Variants in GLDC observed in about 807,000 individuals in gnomAD.
GLDC encodes the protein glycine dehydrogenase (decarboxylating), mitochondrial.
GLDC carries 104 observed loss-of-function variants against 121.3 expected under a neutral mutation model. The ratio of observed to expected loss-of-function variants is 0.86; its 90% CI spans 0.73 to 1.01. The LOEUF (loss-of-function observed/expected upper bound fraction) is 1.01. GLDC is among the 50% of genes least tolerant of loss of function. The probability of loss-of-function intolerance (pLI) is 0.00; values close to 1 mark genes in which losing one functional copy is unlikely to be tolerated. For synonymous variants in GLDC, 546 were observed against 480.6 expected, an observed-to-expected ratio of 1.14 and a Z score of -1.78; for missense variants, 1,429 against 1,306.6, an observed-to-expected ratio of 1.09 and a Z score of -1.44.
rs1038800216 is a variant in GLDC, at chr9:6,620,373, T to C, written c.335-54A>G. 9.7e-6 allele frequency: 14 copies of C among 1,450,274 alleles called. No homozygotes were observed. In the African/African-American group the frequency reaches 2.0e-4, roughly 20 times the overall value. The allele number at this position is 1,450,274 out of a possible 1,614,324, so 89.8% of individuals were successfully genotyped here. ...AGACAGATGTCTCAGAAAAGAGCTC[T>C]AATTACAGTTTAAATCCCTCATTTT... On this transcript the variant is annotated intron_variant, in intron 2 of 24. Coordinates refer to ENST00000321612, the MANE Select transcript of GLDC (RefSeq NM_000170.3).
At chr9:6,624,907 G>A (rs1455856560) in intron 2 of GLDC, among the ~76,000 whole-genome samples, 2 of 151,772 alleles carry the variant, frequency 1.3e-5, no homozygotes, top group East Asian at 1.9e-4. Flanking sequence ...AGAATCGCTT[G>A]AACCAGGGAG....
chr9:6,547,771 C>G (rs1028804830), intron 21 of GLDC, among the ~76,000 whole-genome samples: 1 of 152,136 alleles, frequency 6.6e-6, no homozygotes, highest in African/African-American at 2.4e-5. Flanking sequence ...GACAGTGCCA[C>G]TTTCAAAGAA....
chr9:6,620,024 T>A (rs779498990), intron 3 of GLDC, among the ~76,000 whole-genome samples, 160 bp downstream of exon 3: 4 of 152,166 alleles, frequency 2.6e-5, no homozygotes, highest in Non-Finnish European at 5.9e-5. Flanking sequence ...GCAAGAACAT[T>A]TCTCGATCCA....
At chr9:6,635,393 G>A (rs762677132) in intron 2 of GLDC, among the ~76,000 whole-genome samples, 8 of 152,156 alleles carry the variant, frequency 5.3e-5, no homozygotes, top group Non-Finnish European at 1.2e-4. Flanking sequence ...GCAGTCTAGG[G>A]CACTTTATGT....
chr9:6,551,007 C>A, intron 20 of GLDC, 93 bp from the exon 21 acceptor site: 3 of 838,606 alleles, frequency 3.6e-6, no homozygotes, highest in Non-Finnish European at 6.2e-6. Context: ...TAAACTCCAC[C>A]CACAAAGGAA....
rs775547766 is a variant in GLDC at position 6,556,213 on chromosome 9, A to G, written c.2142T>C (p.Cys714=). Residue 714 remains cysteine (C), a synonymous_variant, in exon 18 of 25, where the codon TGT becomes TGC. Transcript: ENST00000321612. Reference sequence around the variant, plus strand: ...GTCCTCCATGTTGATGGATGAGGTCACACACGTCACTGATGTTCTCTTCAA... The same window carrying G: ...GTCCTCCATGTTGATGGATGAGGTCGCACACGTCACTGATGTTCTCTTCAA... ...GVFEENISDV[C]DLIHQHGGQV... The G allele has an allele frequency of 2.5e-6, 4 of 1,612,430 alleles. No individual in the cohort carries two copies. Among genetic ancestry groups the G allele is most frequent in the Non-Finnish European group, 3.4e-6 (4 of 1,178,538 alleles).
At chr9:6,558,255 T>A (rs895482253) in intron 17 of GLDC, 1 of 588,538 alleles carries the variant, frequency 1.7e-6, no homozygotes, top group Non-Finnish European at 3.0e-6. Context: ...CCATTTTGAT[T>A]ATTAAGTGGG....
At chr9:6,591,508 A>G (rs1226078038) in intron 11 of GLDC, among the ~76,000 whole-genome samples, 1 of 152,232 alleles carries the variant, frequency 6.6e-6, no homozygotes, top group African/African-American at 2.4e-5. Context: ...TATGTATTAA[A>G]TGAATATCAT....
At chr9:6,586,316 A>AAT (rs1818271617) in intron 15 of GLDC, among the ~76,000 whole-genome samples, 2 of 152,250 alleles carry the variant, frequency 1.3e-5, no homozygotes, top group Admixed American at 1.3e-4. Context: ...TAAATAAATA[A>AAT]AAATAAAAAT....
intron 24 of GLDC, chr9:6,534,261 A>C (rs1467870812): frequency 5.7e-6 from 1 of 174,228 alleles, no homozygotes; most frequent in African/African-American, 2.4e-5. Flanking sequence ...AGGATTTACC[A>C]TTCTCATTAT....
Position 6,606,309 on chromosome 9 carries a change from CAAA to C in GLDC, c.713+280_713+282del, listed in dbSNP as rs56758871. Among the ~76,000 whole-genome samples the C allele has an allele frequency of 6.6e-3, 594 of 90,060 alleles. 4 individuals carry two copies. Among genetic ancestry groups the C allele is most frequent in the African/African-American group, 0.02 (511 of 25,638 alleles). The allele number at this position is 90,060 out of a possible 152,430, so 59.1% of individuals were successfully genotyped here. A position where few individuals can be genotyped will look rare whatever the true frequency, so the allele number is the denominator to read the frequency against. Reference sequence around the variant, plus strand: ...TGGACGACAGAGCGAGACTCCGTCTCAAAAAAAAAAAAAAAAAAAAGAAGAAGA... The same window carrying C: ...TGGACGACAGAGCGAGACTCCGTCTCAAAAAAAAAAAAAAAAAGAAGAAGA... On this transcript the variant is annotated intron_variant, in intron 5 of 24. Transcript: ENST00000321612.
At chr9:6,547,097 C>T (rs759211315) in intron 21 of GLDC, among the ~76,000 whole-genome samples, 4 of 152,164 alleles carry the variant, frequency 2.6e-5, no homozygotes, top group African/African-American at 4.8e-5. Flanking sequence ...CAACCCGCCT[C>T]AGCCTTCCAA....
chr9:6,534,838 C>T (rs756685783), intron 23 of GLDC, 50 bp from the exon 24 acceptor site: 8 of 960,436 alleles, frequency 8.3e-6, no homozygotes, highest in Non-Finnish European at 1.0e-5. Context: ...ACACTCTCTT[C>T]TCCTCCTACC....
chr9:6,645,451 C>G lies in GLDC; in HGVS notation c.49G>C (p.Gly17Arg), dbSNP rs1819727230. The G allele has an allele frequency of 1.4e-5, 18 of 1,257,128 alleles. No homozygotes were observed. The highest frequency in any genetic ancestry group is 1.7e-5 in the Non-Finnish European group (17 of 1,007,942). 77.9% of individuals were successfully genotyped at this position (1,257,128 alleles called of 1,614,324 possible). A position where few individuals can be genotyped will look rare whatever the true frequency, so the allele number is the denominator to read the frequency against. ...AWGLRLGRGV[G>R]GGRRLAGGSG... ...CCCCCAGCCAGGCGGCGGCCGCCCC[C>G]GACCCCGCGGCCCAGGCGCAGCCCC... The change falls in exon 1 of 25, where the codon GGG becomes CGG. Residue 17 changes from glycine (G) to arginine (R), a missense_variant. By Grantham distance (125) the Gly-to-Arg change is moderately radical. Coordinates refer to ENST00000321612, the MANE Select transcript of GLDC (RefSeq NM_000170.3).
intron 2 of GLDC, among the ~76,000 whole-genome samples, chr9:6,639,795 C>A (rs1461194185): frequency 6.6e-6 from 1 of 151,768 alleles, no homozygotes; most frequent in Non-Finnish European, 1.5e-5. Context: ...AACTAACCCG[C>A]TTACTTAGAA....
intron 21 of GLDC, among the ~76,000 whole-genome samples, chr9:6,543,190 G>C (rs538337625): frequency 6.6e-6 from 1 of 152,004 alleles, no homozygotes; most frequent in African/African-American, 2.4e-5. Context: ...TGGGAGAATC[G>C]CTTGATCCCA....
intron 8 of GLDC, among the ~76,000 whole-genome samples, chr9:6,600,110 T>A (rs1468980757): frequency 6.6e-6 from 1 of 152,188 alleles, no homozygotes; most frequent in East Asian, 1.9e-4. Context: ...CTCATGCCTA[T>A]AATCCTATCA....
At chr9:6,539,130 G>A (rs1817198786) in intron 22 of GLDC, among the ~76,000 whole-genome samples, 1 of 151,924 alleles carries the variant, frequency 6.6e-6, no homozygotes, top group Non-Finnish European at 1.5e-5. Flanking sequence ...CCCCAACTTA[G>A]CCTTTCTGAG....
At chr9:6,562,425 G>T (rs1817776931) in intron 16 of GLDC, among the ~76,000 whole-genome samples, 1 of 152,150 alleles carries the variant, frequency 6.6e-6, no homozygotes, top group South Asian at 2.1e-4. Context: ...AAAAAAGAAT[G>T]ATATATTTTG....
Sources: gnomAD v4.1 joint callset for allele counts (sites outside exome capture counted in the v4.1 genomes callset) on GRCh38, gnomAD v4.1.1 for gene constraint, MANE v1.5 for transcripts, NCBI Gene and HGNC (gene_info 2026-07-23, HGNC 2026-07-21) for gene names.